The following KATNAL1 variants were observed in gnomAD, a reference collection of about 807,000 sequenced individuals.
KATNAL1 encodes the protein katanin p60 ATPase-containing subunit A-like 1.
Under a neutral mutation model 55.2 loss-of-function variants are expected in KATNAL1, and 32 were observed. The ratio of observed to expected loss-of-function variants is 0.58; its 90% CI spans 0.44 to 0.78. The LOEUF is 0.78. Ranked by LOEUF, KATNAL1 falls within the 30% of genes least tolerant of loss-of-function variation. The pLI is 0.00. For missense variants in KATNAL1, 466 were observed against 600.9 expected, an observed-to-expected ratio of 0.78 and a Z score of 2.35; for synonymous variants, 193 against 193.6, an observed-to-expected ratio of 1.00 and a Z score of 0.02.
chr13:30,297,569 T>A (rs1381874373), intron 1 of KATNAL1, among the ~76,000 whole-genome samples: 1 of 152,184 alleles, frequency 6.6e-6, no homozygotes, highest in Non-Finnish European at 1.5e-5. Context: ...TGCACTCGTA[T>A]CTTCACTGCA....
In KATNAL1 at chr13:30,205,773, TG is replaced by T. The variant is rs1873065195; in HGVS notation, c.*2766del. 6.4e-6 allele frequency: 1 copy of T among 155,508 alleles called. No homozygotes were observed. Among genetic ancestry groups the T allele is most frequent in the Non-Finnish European group, 1.4e-5 (1 of 71,222 alleles). The allele number at this position is 155,508 out of a possible 1,614,324, so 9.6% of individuals were successfully genotyped here. A position where few individuals can be genotyped will look rare whatever the true frequency, so the allele number is the denominator to read the frequency against. ...GACTGTGTGTGTGTGTGTGTGTGTG[TG>T]TGTGTGTGTGTGTGTCTCACGCCTA... On this transcript the variant is annotated 3_prime_UTR_variant, in exon 11 of 11. Coordinates refer to ENST00000380615, the MANE Select transcript of KATNAL1 (RefSeq NM_032116.5).
chr13:30,296,128 C>T, intron 1 of KATNAL1: 1 of 436,500 alleles, frequency 2.3e-6, no homozygotes, highest in Admixed American at 3.9e-5. Context: ...TAGCCTTTGC[C>T]CACACAGCTT....
chr13:30,250,169 A>G (rs1279652657), intron 4 of KATNAL1, among the ~76,000 whole-genome samples: 1 of 152,206 alleles, frequency 6.6e-6, no homozygotes, highest in Non-Finnish European at 1.5e-5. Context: ...CAGAATTAGC[A>G]AATGCTATAA....
At chr13:30,301,946 A>G (rs1882883169) in intron 1 of KATNAL1, among the ~76,000 whole-genome samples, 2 of 152,192 alleles carry the variant, frequency 1.3e-5, no homozygotes, top group African/African-American at 4.8e-5. Context: ...ATCTCAGCTC[A>G]CTGCAACCTG....
At chr13:30,265,503 T>C (rs1352656796) in intron 3 of KATNAL1, among the ~76,000 whole-genome samples, 2 of 152,022 alleles carry the variant, frequency 1.3e-5, no homozygotes, top group East Asian at 3.8e-4. Context: ...ATGATACAAG[T>C]TGATATGAGT....
chr13:30,276,719 A>G (rs1196027337), intron 3 of KATNAL1, among the ~76,000 whole-genome samples: 1 of 152,206 alleles, frequency 6.6e-6, no homozygotes, highest in Non-Finnish European at 1.5e-5. Flanking sequence ...ATACCAGGAT[A>G]TACAGACGTG....
At chr13:30,252,012 G>C (rs1175742188) in intron 4 of KATNAL1, among the ~76,000 whole-genome samples, 2 of 152,248 alleles carry the variant, frequency 1.3e-5, no homozygotes, top group East Asian at 3.9e-4. Context: ...GACATAATCA[G>C]TCTCAGAAAA....
intron 3 of KATNAL1, among the ~76,000 whole-genome samples, chr13:30,266,399 A>G (rs977664619): frequency 6.6e-6 from 1 of 152,234 alleles, no homozygotes; most frequent in African/African-American, 2.4e-5. Flanking sequence ...TAAATTTAAT[A>G]TATTTTCTTC....
chr13:30,228,290 A>G (rs761963613), intron 8 of KATNAL1, among the ~76,000 whole-genome samples: 17 of 152,234 alleles, frequency 1.1e-4, no homozygotes, highest in Non-Finnish European at 2.5e-4. Context: ...AGCATAATAA[A>G]GTGCTAGTGG....
intron 6 of KATNAL1, among the ~76,000 whole-genome samples, chr13:30,237,092 C>T (rs139062193): frequency 1.3e-5 from 2 of 152,326 alleles, no homozygotes; most frequent in African/African-American, 4.8e-5. Flanking sequence ...AAATACTGCA[C>T]TTACCACATG....
chr13:30,266,364 AC>A (rs145144890), intron 3 of KATNAL1, among the ~76,000 whole-genome samples: 1,540 of 152,304 alleles, frequency 0.01, 24 homozygotes, highest in African/African-American at 0.034. Context: ...ATAAAATGCC[AC>A]CACAATTTTG....
intron 1 of KATNAL1, chr13:30,296,685 A>AT (rs1052325200): frequency 3.6e-4 from 230 of 641,644 alleles, no homozygotes; most frequent in Non-Finnish European, 5.6e-4. Flanking sequence ...CAGTGACACA[A>AT]TTAAGCTCAA....
intron 9 of KATNAL1, among the ~76,000 whole-genome samples, chr13:30,211,276 C>T (rs1236750230): frequency 6.6e-6 from 1 of 152,158 alleles, no homozygotes; most frequent in Non-Finnish European, 1.5e-5. Flanking sequence ...TCACCAATTG[C>T]TAACATTTTG....
At chr13:30,270,370 A>T (rs1880229661) in intron 3 of KATNAL1, among the ~76,000 whole-genome samples, 1 of 150,496 alleles carries the variant, frequency 6.6e-6, no homozygotes, top group Non-Finnish European at 1.5e-5. Context: ...GGCCTCCCCT[A>T]CTGGGAAGTG....
intron 6 of KATNAL1, among the ~76,000 whole-genome samples, chr13:30,231,961 A>C (rs1279457349): frequency 6.6e-6 from 1 of 152,212 alleles, no homozygotes; most frequent in African/African-American, 2.4e-5. Flanking sequence ...ATGAGTTAAT[A>C]AGGTTAACAG....
In KATNAL1 at chr13:30,298,113, C is replaced by T. The variant is rs148419755; in HGVS notation, c.-15+9218G>A. ...TTAATAAACTATAGTATAGTGTAAA[C>T]GTAACTTTTATATGCACTGGGAAAC... is the stretch of plus-strand genomic sequence containing the variant. On this transcript the variant is annotated intron_variant, in intron 1 of 10. Coordinates refer to ENST00000380615, the MANE Select transcript of KATNAL1 (RefSeq NM_032116.5). Among the ~76,000 whole-genome samples the T allele has an allele frequency of 2.1e-3, 320 of 152,252 alleles. 2 individuals are homozygous for T. The highest frequency in any genetic ancestry group is 2.7e-3 in the Non-Finnish European group (187 of 68,020).
chr13:30,236,317 G>A (rs1370655698), intron 6 of KATNAL1, among the ~76,000 whole-genome samples: 1 of 152,172 alleles, frequency 6.6e-6, no homozygotes, highest in Non-Finnish European at 1.5e-5. Flanking sequence ...TCTGAAGTGA[G>A]GGCAGTCTTG....
chr13:30,211,994 G>A (rs536600023), intron 9 of KATNAL1, among the ~76,000 whole-genome samples: 1 of 152,156 alleles, frequency 6.6e-6, no homozygotes, highest in Non-Finnish European at 1.5e-5. Flanking sequence ...AATTAATGAT[G>A]TAAGAACAGC....
intron 3 of KATNAL1, among the ~76,000 whole-genome samples, chr13:30,276,271 C>T (rs548093976): frequency 6.6e-6 from 1 of 152,298 alleles, no homozygotes; most frequent in South Asian, 2.1e-4. Context: ...TGATTAAACT[C>T]AGCAGATGCA....
Sources: gnomAD v4.1 joint callset for allele counts (sites outside exome capture counted in the v4.1 genomes callset) on GRCh38, gnomAD v4.1.1 for gene constraint, MANE v1.5 for transcripts, NCBI Gene and HGNC (gene_info 2026-07-23, HGNC 2026-07-21) for gene names.